The following RERE variants were observed in gnomAD, a reference collection of about 807,000 sequenced individuals.
RERE encodes arginine-glutamic acid dipeptide repeats protein.
RERE carries 40 observed loss-of-function variants against 146.1 expected under a neutral mutation model. The observed-to-expected ratio is 0.27, with a 90% CI of 0.21 to 0.36. RERE has a LOEUF of 0.36. Ranked by LOEUF, RERE falls within the 10% of genes least tolerant of loss-of-function variation. RERE has a pLI of 1.00. For synonymous variants in RERE, 1,003 were observed against 866.0 expected (o/e 1.16, Z -2.78); for missense variants, 1,933 against 2,138.7 (o/e 0.90, Z 1.90).
intron 1 of RERE, among the ~76,000 whole-genome samples, chr1:8,702,302 A>T (rs1304665107): frequency 6.6e-6 from 1 of 152,176 alleles, no homozygotes. Context: ...CGCGGGGCAC[A>T]TGTGCGCCAG....
chr1:8,740,764 T>A (rs558402981), intron 1 of RERE, among the ~76,000 whole-genome samples: 43 of 152,306 alleles, frequency 2.8e-4, no homozygotes, highest in Middle Eastern at 3.4e-3. Flanking sequence ...CACCGCCACA[T>A]GTTGGACCAA....
At position 8,733,640 on chromosome 1, in the gene RERE, C is replaced by T. The variant is rs979206582; in HGVS notation, c.-144-77199G>A. On this transcript the variant is annotated intron_variant, in intron 1 of 22. Transcript: ENST00000400908. ...CCAACCTTGTGAATGCACTATGTTGCAATTGGATCCTCCAGGCCCTATCAA... is the reference window on the plus strand; with the variant it reads ...CCAACCTTGTGAATGCACTATGTTGTAATTGGATCCTCCAGGCCCTATCAA... Among the ~76,000 whole-genome samples, 6 of 152,160 alleles carry T rather than the reference C, an allele frequency of 3.9e-5. No homozygotes were observed. The South Asian group carries it at 8.3e-4, about 21-fold the overall frequency.
chr1:8,500,362 G>C (rs930249463), intron 8 of RERE, among the ~76,000 whole-genome samples: 1 of 152,238 alleles, frequency 6.6e-6, no homozygotes, highest in African/African-American at 2.4e-5. Context: ...AAAAAGAAAC[G>C]AAAATGCCTC....
intron 4 of RERE, among the ~76,000 whole-genome samples, chr1:8,596,688 T>TTC (rs70982796): frequency 2.6e-5 from 4 of 151,050 alleles, no homozygotes; most frequent in Non-Finnish European, 5.9e-5. Flanking sequence ...TTTTTTTTTT[T>TTC]CTGGTAGAGA....
intron 2 of RERE, among the ~76,000 whole-genome samples, chr1:8,643,336 C>G (rs1414330810): frequency 6.6e-6 from 1 of 152,198 alleles, no homozygotes; most frequent in Non-Finnish European, 1.5e-5. Flanking sequence ...AATTTTTAAA[C>G]AGCCACCTAA....
intron 1 of RERE, among the ~76,000 whole-genome samples, chr1:8,714,127 C>A (rs1272310771): frequency 6.6e-6 from 1 of 152,142 alleles, no homozygotes; most frequent in East Asian, 1.9e-4. Flanking sequence ...AAGTAATTTT[C>A]TATTTGATAG....
rs530772745 is a variant in RERE, at chr1:8,551,886, T to C, written c.725+4589A>G. ...CTAACTTCAGTCTATTATACCACAA[T>C]GCCAGCCAAAAATTCTTACCCGGGA... On this transcript the variant is annotated intron_variant, in intron 6 of 22. Coordinates refer to ENST00000400908, the MANE Select transcript of RERE (RefSeq NM_001042681.2). Among the ~76,000 whole-genome samples, 95 of 152,290 alleles carry C rather than the reference T, an allele frequency of 6.2e-4. 1 individual carries two copies. The highest frequency in any genetic ancestry group is 2.2e-3 in the African/African-American group (93 of 41,572).
At chr1:8,788,669 T>TG (rs974144023) in intron 1 of RERE, among the ~76,000 whole-genome samples, 1 of 150,920 alleles carries the variant, frequency 6.6e-6, no homozygotes, top group African/African-American at 2.4e-5. Context: ...AGCCAGTGTT[T>TG]TTTTTTTTTT....
chr1:8,628,396 A>G (rs1176189339), intron 2 of RERE, among the ~76,000 whole-genome samples: 1 of 152,176 alleles, frequency 6.6e-6, no homozygotes. Flanking sequence ...TGCCATAGGA[A>G]TGGGGAAAAA....
rs139853261 is a variant in RERE, at chr1:8,468,746, G to A, written c.1105-2723C>T. 2.1e-3 allele frequency among the ~76,000 whole-genome samples: 318 copies of A among 152,154 alleles called. 1 individual carries two copies. Among genetic ancestry groups the A allele is most frequent in the East Asian group, 0.015 (77 of 5,172 alleles). On this transcript the variant is annotated intron_variant, in intron 10 of 22. Transcript: ENST00000400908. ...TAAAAATTTAAGAAATTAGCTGGGC[G>A]TGGTGGCATGTGCCTATAGTCCCAG...
At chr1:8,614,894 C>T (rs943501821) in intron 3 of RERE, among the ~76,000 whole-genome samples, 1 of 152,174 alleles carries the variant, frequency 6.6e-6, no homozygotes, top group African/African-American at 2.4e-5. Context: ...ACGTATGACC[C>T]TTCTGGCTCC....
intron 1 of RERE, among the ~76,000 whole-genome samples, chr1:8,762,697 A>G (rs1344958075): frequency 1.3e-5 from 2 of 152,184 alleles, no homozygotes; most frequent in East Asian, 1.9e-4. Flanking sequence ...ATAATGGACT[A>G]AACGATTCAA....
At chr1:8,751,839 C>T (rs1339895015) in intron 1 of RERE, among the ~76,000 whole-genome samples, 1 of 144,198 alleles carries the variant, frequency 6.9e-6, no homozygotes, top group African/African-American at 2.6e-5. Flanking sequence ...ACCAAAGAAA[C>T]AACAACAACA....
chr1:8,370,021 A>G (rs551080870), intron 12 of RERE, among the ~76,000 whole-genome samples: 2 of 151,600 alleles, frequency 1.3e-5, no homozygotes, highest in African/African-American at 4.9e-5. Context: ...CGATCTCCTG[A>G]CCTCGTTATT....
chr1:8,482,413 G>A (rs1174013572), intron 10 of RERE, among the ~76,000 whole-genome samples: 1 of 152,096 alleles, frequency 6.6e-6, no homozygotes, highest in Non-Finnish European at 1.5e-5. Context: ...TGGGTGTGGT[G>A]GTTCATGCCT....
intron 1 of RERE, among the ~76,000 whole-genome samples, chr1:8,679,239 G>A (rs776674114): frequency 2.6e-5 from 4 of 152,140 alleles, no homozygotes; most frequent in East Asian, 1.9e-4. Context: ...GAACCCAGGG[G>A]ACTTTATCTT....
intron 1 of RERE, among the ~76,000 whole-genome samples, chr1:8,803,234 C>CT (rs1641619646): frequency 6.6e-6 from 1 of 152,046 alleles, no homozygotes; most frequent in Admixed American, 6.5e-5. Flanking sequence ...TCCCAGCACT[C>CT]TGAGAGGCCG....
intron 1 of RERE, among the ~76,000 whole-genome samples, chr1:8,692,449 C>T (rs1459034452): frequency 6.6e-6 from 1 of 151,588 alleles, no homozygotes; most frequent in African/African-American, 2.4e-5. Context: ...CCATTTCAAG[C>T]GATTCTTCCG....
chr1:8,782,807 G>A (rs1036841840), intron 1 of RERE, among the ~76,000 whole-genome samples: 2 of 152,282 alleles, frequency 1.3e-5, no homozygotes, highest in African/African-American at 4.8e-5. Context: ...TCAGGAGGCC[G>A]AGGCAGGAGA....
Sources: gnomAD v4.1 joint callset for allele counts (sites outside exome capture counted in the v4.1 genomes callset) on GRCh38, gnomAD v4.1.1 for gene constraint, MANE v1.5 for transcripts, NCBI Gene and HGNC (gene_info 2026-07-23, HGNC 2026-07-21) for gene names.